ATP6V1G1: variants seen among roughly 807,000 people sequenced by gnomAD.
ATP6V1G1 encodes V-type proton ATPase subunit G 1.
A neutral mutation model predicts 14.2 loss-of-function variants in ATP6V1G1; 14 were observed. The ratio of observed to expected loss-of-function variants is 0.99; its 90% confidence interval spans 0.65 to 1.55. The LOEUF (loss-of-function observed/expected upper bound fraction) is 1.55. Among genes scored for constraint, ATP6V1G1 ranks in the 40% most tolerant of loss-of-function variants. The pLI, the probability that ATP6V1G1 is intolerant of heterozygous loss-of-function variation, is 0.00. For missense variants in ATP6V1G1, 137 were observed against 146.4 expected (o/e 0.94, Z 0.33); for synonymous variants, 65 against 53.3 (o/e 1.22, Z -0.96).
Position 114,598,017 on chromosome 9 carries a change from G to T in ATP6V1G1, c.*274G>T. The T allele has an allele frequency of 1.6e-5, 3 of 191,582 alleles. No individual in the cohort carries two copies. Among genetic ancestry groups the T allele is most frequent in the African/African-American group, 2.4e-5 (1 of 42,430 alleles). The allele number at this position is 191,582 out of a possible 1,614,324, so 11.9% of individuals were successfully genotyped here. On this transcript the variant is annotated 3_prime_UTR_variant, in exon 3 of 3. Transcript: ENST00000374050. ...CTATGTCTTTTGGCTCAAGCAACAT[G>T]TATATCAGTGTTGACTTTTTCTTTC...
intron 1 of ATP6V1G1, among the ~76,000 whole-genome samples, chr9:114,590,227 A>G (rs1845169793): frequency 4.0e-5 from 6 of 150,194 alleles, no homozygotes; most frequent in Admixed American, 4.0e-4. Context: ...AAAACAAACC[A>G]AAGTATTAGT....
At chr9:114,588,779 A>G (rs753416864) in intron 1 of ATP6V1G1, among the ~76,000 whole-genome samples, 10 of 152,126 alleles carry the variant, frequency 6.6e-5, no homozygotes, top group Non-Finnish European at 1.3e-4. Flanking sequence ...CCTCTCTGCA[A>G]TCAGTCATCC....
intron 1 of ATP6V1G1, among the ~76,000 whole-genome samples, chr9:114,588,378 C>A (rs767305349): frequency 5.3e-5 from 8 of 152,014 alleles, no homozygotes; most frequent in African/African-American, 9.7e-5. Flanking sequence ...TGTCTACTAC[C>A]AGCGTCTTAG....
At chr9:114,588,936 T>A (rs1845156575) in intron 1 of ATP6V1G1, among the ~76,000 whole-genome samples, 1 of 152,228 alleles carries the variant, frequency 6.6e-6, no homozygotes. Context: ...GGGGAGGCTC[T>A]TGTGGGTCAG....
rs368319356 is a variant in ATP6V1G1 at position 114,597,795 on chromosome 9, A to T, written c.*52A>T. On this transcript the variant is annotated 3_prime_UTR_variant, in exon 3 of 3. Transcript: ENST00000374050. The stretch of plus-strand genomic sequence containing the variant: ...TGGCATTTTAGATGCCCTCACGAAT[A>T]TGAAGCTTAGCACAGCTCTAGTTAC... 1.8e-5 allele frequency: 26 copies of T among 1,457,150 alleles called. No individual in the cohort carries two copies. The African/African-American group carries it at 3.1e-4, about 17-fold the overall frequency. The allele number at this position is 1,457,150 out of a possible 1,614,324, so 90.3% of individuals were successfully genotyped here.
intron 2 of ATP6V1G1, among the ~76,000 whole-genome samples, chr9:114,595,508 G>C (rs554809936): frequency 6.6e-6 from 1 of 152,082 alleles, no homozygotes; most frequent in East Asian, 1.9e-4. Context: ...ACAGAAATTA[G>C]CCGGGCATGG....
intron 2 of ATP6V1G1, among the ~76,000 whole-genome samples, chr9:114,596,718 C>T (rs1025361755): frequency 5.9e-5 from 9 of 152,164 alleles, no homozygotes; most frequent in South Asian, 2.1e-4. Flanking sequence ...TTCAGTCTCT[C>T]GAATAGCTGA....
chr9:114,588,510 A>T (rs990434192), intron 1 of ATP6V1G1, among the ~76,000 whole-genome samples: 3 of 147,086 alleles, frequency 2.0e-5, no homozygotes, highest in Admixed American at 6.8e-5. Context: ...TGGCAAGCGC[A>T]GTGTGTGTGT....
intron 1 of ATP6V1G1, among the ~76,000 whole-genome samples, chr9:114,591,343 G>T (rs1845180127): frequency 6.6e-6 from 1 of 152,202 alleles, no homozygotes; most frequent in Non-Finnish European, 1.5e-5. Flanking sequence ...GTGATGTCTT[G>T]TGAAATCATG....
In ATP6V1G1 at chr9:114,592,658, G is replaced by A. The variant is rs76694082; in HGVS notation, c.183+6G>A. 6.8e-4 allele frequency: 1,067 copies of A among 1,566,964 alleles called. 9 individuals carry two copies. In the East Asian group the frequency reaches 0.019, roughly 28 times the overall value. On this transcript the variant is annotated splice_donor_region_variant and intron_variant, in intron 2 of 2. Transcript: ENST00000374050. ...TCAAGGCCAAGGAAGCTGCGGTGGG[G>A]CACCATTTGTTTTTGTTACTGCTTT...
intron 2 of ATP6V1G1, among the ~76,000 whole-genome samples, chr9:114,594,017 C>T (rs1018646724): frequency 6.6e-6 from 1 of 151,426 alleles, no homozygotes; most frequent in African/African-American, 2.4e-5. Context: ...TCAGGCTGCT[C>T]ATAAAACAAT....
chr9:114,597,478 C>T lies in ATP6V1G1; in HGVS notation c.184-92C>T, dbSNP rs959078992. ...TATACTGATAGGTGAGCCTGGGTTT[C>T]TCCAAAAGTCAACAAGTAGCTTACG... is the stretch of plus-strand genomic sequence containing the variant. On this transcript the variant is annotated intron_variant, in intron 2 of 2. Coordinates refer to ENST00000374050, the MANE Select transcript of ATP6V1G1 (RefSeq NM_004888.4). 6 of 1,331,194 alleles carry T rather than the reference C, an allele frequency of 4.5e-6. No individual in the cohort carries two copies. The East Asian group carries it at 1.1e-4, about 24-fold the overall frequency. 82.5% of individuals were successfully genotyped at this position (1,331,194 alleles called of 1,614,324 possible). A position where few individuals can be genotyped will look rare whatever the true frequency, so the allele number is the denominator to read the frequency against.
At chr9:114,596,883 T>A (rs1845243683) in intron 2 of ATP6V1G1, among the ~76,000 whole-genome samples, 1 of 152,172 alleles carries the variant, frequency 6.6e-6, no homozygotes, top group Non-Finnish European at 1.5e-5. Flanking sequence ...CTCCTTAAGC[T>A]GTATTTTACA....
At chr9:114,592,442 G>A (rs1362436726) in intron 1 of ATP6V1G1, 110 bp from the exon 2 acceptor site, 1 of 1,081,236 alleles carries the variant, frequency 9.2e-7, no homozygotes, top group Non-Finnish European at 1.3e-6. Context: ...ACATCTCTTC[G>A]GACTGTGTCA....
chr9:114,594,797 A>G, intron 2 of ATP6V1G1, among the ~76,000 whole-genome samples: 1 of 151,714 alleles, frequency 6.6e-6, no homozygotes, highest in East Asian at 1.9e-4. Flanking sequence ...TAGAGATGGT[A>G]CTGGTATTGC....
intron 2 of ATP6V1G1, among the ~76,000 whole-genome samples, chr9:114,594,381 T>C (rs1295074932): frequency 7.0e-6 from 1 of 142,502 alleles, no homozygotes; most frequent in Non-Finnish European, 1.6e-5. Flanking sequence ...CCCCGCCCCT[T>C]TTTTTTTTTT....
chr9:114,589,697 T>A (rs1047074209), intron 1 of ATP6V1G1, among the ~76,000 whole-genome samples: 6 of 152,226 alleles, frequency 3.9e-5, no homozygotes, highest in Non-Finnish European at 7.3e-5. Flanking sequence ...TCTCACAGTT[T>A]GTGTTCTGAT....
intron 2 of ATP6V1G1, among the ~76,000 whole-genome samples, chr9:114,594,875 T>C (rs1409345370): frequency 2.0e-5 from 3 of 149,602 alleles, no homozygotes; most frequent in Non-Finnish European, 4.5e-5. Context: ...TTTTTTTTTT[T>C]TTTGAGACAG....
At chr9:114,597,279 C>T (rs1039391416) in intron 2 of ATP6V1G1, among the ~76,000 whole-genome samples, 5 of 152,058 alleles carry the variant, frequency 3.3e-5, no homozygotes, top group South Asian at 2.1e-4. Flanking sequence ...CGTGAGCCAC[C>T]GCGCCCGGCC....
Sources: gnomAD v4.1 joint callset for allele counts (sites outside exome capture counted in the v4.1 genomes callset) on GRCh38, gnomAD v4.1.1 for gene constraint, MANE v1.5 for transcripts, NCBI Gene and HGNC (gene_info 2026-07-23, HGNC 2026-07-21) for gene names.